The following GALNT13 variants were observed in gnomAD, a reference collection of about 807,000 sequenced individuals.
GALNT13 encodes the protein UDP-GalNAc:polypeptide N-acetylgalactosaminyltransferase 13.
In GALNT13, 28 loss-of-function variants were observed where a neutral mutation model predicts 64.2. The ratio of observed to expected loss-of-function variants is 0.44; its 90% CI spans 0.32 to 0.60. The LOEUF (loss-of-function observed/expected upper bound fraction) is 0.60, where lower values mean the gene tolerates loss of function less well. Ranked by LOEUF, GALNT13 falls within the 20% of genes least tolerant of loss-of-function variation. The probability of loss-of-function intolerance (pLI) is 0.05; values close to 1 mark genes in which losing one functional copy is unlikely to be tolerated. For missense variants in GALNT13, 577 were observed against 669.8 expected (o/e 0.86, Z 1.53); for synonymous variants, 214 against 224.6 (o/e 0.95, Z 0.42).
At chr2:153,814,481 A>G in the GALNT13 span, among the ~76,000 whole-genome samples, 47,973 of 145,642 alleles carry the variant, frequency 0.33, 8,015 homozygotes, top group Middle Eastern at 0.49. Context: ...AAATAAATAA[A>G]TAAATAAATA....
chr2:153,276,026 T>C, the GALNT13 span, among the ~76,000 whole-genome samples: 7 of 152,226 alleles, frequency 4.6e-5, no homozygotes, highest in East Asian at 1.3e-3. Flanking sequence ...AATTTGTGTT[T>C]CTGAACTATT....
At chr2:153,716,506 C>A in the GALNT13 span, among the ~76,000 whole-genome samples, 1 of 152,030 alleles carries the variant, frequency 6.6e-6, no homozygotes, top group Non-Finnish European at 1.5e-5. Flanking sequence ...AGCTCCCAAG[C>A]AGCCAAGGCA....
the GALNT13 span, among the ~76,000 whole-genome samples, chr2:153,131,640 G>A: frequency 2.0e-5 from 3 of 152,136 alleles, no homozygotes; most frequent in Non-Finnish European, 4.4e-5. Context: ...AAGCTCTTGG[G>A]AATGGCTGTA....
At chr2:153,899,935 A>ATTT (rs1167875826) in intron 1 of GALNT13, among the ~76,000 whole-genome samples, 105 of 98,128 alleles carry the variant, frequency 1.1e-3, no homozygotes, top group Admixed American at 2.6e-3. Context: ...ATATATATAT[A>ATTT]TTTTTTTTTT....
At chr2:153,596,050 G>C in the GALNT13 span, among the ~76,000 whole-genome samples, 3 of 152,168 alleles carry the variant, frequency 2.0e-5, no homozygotes, top group Non-Finnish European at 2.9e-5. Context: ...AGGCTCAGCT[G>C]GGCTGATCAT....
chr2:153,778,834 C>T, the GALNT13 span, among the ~76,000 whole-genome samples: 1 of 152,130 alleles, frequency 6.6e-6, no homozygotes, highest in Non-Finnish European at 1.5e-5. Flanking sequence ...GTAACCATCA[C>T]CCAAATAGTT....
intron 4 of GALNT13, among the ~76,000 whole-genome samples, chr2:154,149,013 G>C (rs6435058): frequency 0.2 from 31,061 of 151,996 alleles, 3,921 homozygotes; most frequent in African/African-American, 0.34. Flanking sequence ...ATGCCTATGT[G>C]CTGAATGGTA....
At chr2:153,597,307 A>C in the GALNT13 span, among the ~76,000 whole-genome samples, 2 of 152,164 alleles carry the variant, frequency 1.3e-5, no homozygotes, top group Non-Finnish European at 2.9e-5. Context: ...TCACACAAGC[A>C]TGAAGCTGAT....
the GALNT13 span, among the ~76,000 whole-genome samples, chr2:153,203,478 C>A: frequency 1.3e-5 from 2 of 152,128 alleles, no homozygotes; most frequent in Non-Finnish European, 1.5e-5. Context: ...CTAATTGATT[C>A]TTTACAGCAA....
the GALNT13 span, among the ~76,000 whole-genome samples, chr2:153,562,060 C>CTGTGTGTGTG: frequency 3.3e-3 from 390 of 118,926 alleles, 10 homozygotes; most frequent in African/African-American, 0.012. Flanking sequence ...CTCTCTCTCT[C>CTGTGTGTGTG]TGTGTGTGTG....
intron 9 of GALNT13, among the ~76,000 whole-genome samples, chr2:154,332,597 C>T (rs1695227046): frequency 6.6e-6 from 1 of 152,084 alleles, no homozygotes; most frequent in South Asian, 2.1e-4. Context: ...CTTTATAAGA[C>T]ACCTACCTCT....
intron 9 of GALNT13, among the ~76,000 whole-genome samples, chr2:154,354,626 T>C (rs996855254): frequency 6.6e-6 from 1 of 151,942 alleles, no homozygotes; most frequent in African/African-American, 2.4e-5. Context: ...ACTTTTTTTT[T>C]TTTTGAATGT....
chr2:153,746,217 C>T, the GALNT13 span, among the ~76,000 whole-genome samples: 1 of 152,066 alleles, frequency 6.6e-6, no homozygotes, highest in African/African-American at 2.4e-5. Flanking sequence ...CCTACATAGC[C>T]AGAGCTCAAA....
chr2:154,043,414 T>TTATATA lies in GALNT13; in HGVS notation c.143-96886_143-96881dup, dbSNP rs1179722579. 9.9e-3 allele frequency among the ~76,000 whole-genome samples: 771 copies of TTATATA among 77,504 alleles called. 3 individuals carry two copies. Among genetic ancestry groups the TTATATA allele is most frequent in the Non-Finnish European group, 0.012 (488 of 42,262 alleles). The allele number at this position is 77,504 out of a possible 152,430, so 50.8% of individuals were successfully genotyped here. A position where few individuals can be genotyped will look rare whatever the true frequency, so the allele number is the denominator to read the frequency against. On this transcript the variant is annotated intron_variant, in intron 3 of 12. Coordinates refer to ENST00000392825, the MANE Select transcript of GALNT13 (RefSeq NM_052917.4). ...TCTGTCAACACTACTATAAGGACTT[T>TTATATA]TATATATATATATATATATATATAT...
At chr2:153,505,094 T>A in the GALNT13 span, among the ~76,000 whole-genome samples, 1 of 152,190 alleles carries the variant, frequency 6.6e-6, no homozygotes, top group Admixed American at 6.5e-5. Flanking sequence ...TATATCTTCC[T>A]GGTATAATCT....
the GALNT13 span, among the ~76,000 whole-genome samples, chr2:153,546,212 G>A: frequency 2.0e-5 from 3 of 152,186 alleles, no homozygotes; most frequent in African/African-American, 7.2e-5. Context: ...TAGTATTCTC[G>A]CCAATTTAAA....
At chr2:153,741,934 A>G in the GALNT13 span, among the ~76,000 whole-genome samples, 1 of 152,152 alleles carries the variant, frequency 6.6e-6, no homozygotes, top group Non-Finnish European at 1.5e-5. Context: ...AATTAAGTCA[A>G]GCTAATTAAT....
intron 3 of GALNT13, among the ~76,000 whole-genome samples, chr2:154,065,748 C>T (rs1700429528): frequency 6.6e-6 from 1 of 152,064 alleles, no homozygotes; most frequent in African/African-American, 2.4e-5. Context: ...GAAGTCTTCC[C>T]TAAAAGGACA....
At chr2:153,526,977 A>G in the GALNT13 span, among the ~76,000 whole-genome samples, 1 of 152,210 alleles carries the variant, frequency 6.6e-6, no homozygotes, top group Non-Finnish European at 1.5e-5. Flanking sequence ...GCTATTTGAA[A>G]ATACACAGTC....
Sources: allele counts gnomAD v4.1 joint callset (sites outside exome capture counted in the v4.1 genomes callset), GRCh38; gene constraint gnomAD v4.1.1; transcripts MANE v1.5; gene names NCBI Gene and HGNC (gene_info 2026-07-23, HGNC 2026-07-21).